Variants in ZZZ3 observed in about 807,000 individuals in gnomAD.
ZZZ3 encodes zinc finger ZZ-type containing 3.
In ZZZ3, 22 loss-of-function variants were observed where a neutral mutation model predicts 95.2. The observed-to-expected ratio is 0.23, with a 90% CI of 0.17 to 0.33. ZZZ3 has a LOEUF of 0.33. Among genes scored for constraint, ZZZ3 ranks in the 10% least tolerant of loss-of-function variants. The pLI is 1.00. For synonymous variants in ZZZ3, 335 were observed against 358.9 expected (o/e 0.93, Z 0.75); for missense variants, 885 against 1,066.5 (o/e 0.83, Z 2.37).
At chr1:77,614,920 C>A (rs1666163003) in intron 5 of ZZZ3, 1 of 152,118 alleles carries the variant, frequency 6.6e-6, no homozygotes, top group South Asian at 2.1e-4. Context: ...ATCTCAGAAG[C>A]AAAGCAGGGT....
intron 14 of ZZZ3, 50 bp from the exon 15 acceptor site, chr1:77,565,834 A>G: frequency 6.5e-7 from 1 of 1,548,896 alleles, no homozygotes; most frequent in Non-Finnish European, 8.7e-7. Flanking sequence ...GATGCATTTT[A>G]GTCTGTGTAT....
At chr1:77,589,127 T>A (rs998340614) in intron 5 of ZZZ3, among the ~76,000 whole-genome samples, 3 of 152,130 alleles carry the variant, frequency 2.0e-5, no homozygotes, top group Non-Finnish European at 2.9e-5. Flanking sequence ...TCCTCCCACC[T>A]TGGCCTCCCA....
chr1:77,679,514 G>A (rs1040704546), intron 1 of ZZZ3, among the ~76,000 whole-genome samples: 1 of 151,940 alleles, frequency 6.6e-6, no homozygotes, highest in Non-Finnish European at 1.5e-5. Context: ...TGTTGTTGCT[G>A]GTCTCAAGCA....
chr1:77,585,039 T>C (rs1662950475), intron 5 of ZZZ3: 1 of 153,442 alleles, frequency 6.5e-6, no homozygotes, highest in South Asian at 2.0e-4. Context: ...TTGGTTGTAC[T>C]CTGTTGAAAT....
intron 1 of ZZZ3, among the ~76,000 whole-genome samples, chr1:77,661,273 C>G (rs1057267622): frequency 6.6e-6 from 1 of 151,936 alleles, no homozygotes; most frequent in African/African-American, 2.4e-5. Context: ...ATTAGCCAGG[C>G]AGAGTGTCGG....
intron 1 of ZZZ3, among the ~76,000 whole-genome samples, chr1:77,645,021 C>T (rs1308299454): frequency 6.6e-6 from 1 of 151,818 alleles, no homozygotes; most frequent in Non-Finnish European, 1.5e-5. Context: ...GCCAGGAGTT[C>T]GAGACCAGCT....
chr1:77,573,723 A>T (rs1415587235), intron 12 of ZZZ3, among the ~76,000 whole-genome samples: 1 of 152,216 alleles, frequency 6.6e-6, no homozygotes, highest in Non-Finnish European at 1.5e-5. Context: ...TTATTAAGGT[A>T]GTTTGATGCC....
Position 77,626,161 on chromosome 1 carries a change from T to A in ZZZ3, c.1505+5689A>T, listed in dbSNP as rs190875991. ...TTCACTTAATGTTTTGGTTAGTCAA[T>A]GGCTTACTCTACTTACAAGCAAAAA... On this transcript the variant is annotated intron_variant, in intron 5 of 14. Coordinates refer to ENST00000370801, the MANE Select transcript of ZZZ3 (RefSeq NM_015534.6). Among the ~76,000 whole-genome samples the A allele has an allele frequency of 1.5e-3, 232 of 152,298 alleles. 2 individuals carry two copies. Among genetic ancestry groups the A allele is most frequent in the African/African-American group, 5.3e-3 (221 of 41,556 alleles).
chr1:77,652,855 G>A (rs758266557), intron 1 of ZZZ3, among the ~76,000 whole-genome samples: 3 of 152,118 alleles, frequency 2.0e-5, no homozygotes, highest in Admixed American at 2.0e-4. Flanking sequence ...AGTCACAAAT[G>A]GTTACATATT....
At chr1:77,674,279 G>T (rs1233614709) in intron 1 of ZZZ3, among the ~76,000 whole-genome samples, 1 of 152,136 alleles carries the variant, frequency 6.6e-6, no homozygotes. Context: ...CAGGTTACTC[G>T]TATCAGAACA....
chr1:77,655,022 T>C (rs1670144359), intron 1 of ZZZ3, among the ~76,000 whole-genome samples: 1 of 152,154 alleles, frequency 6.6e-6, no homozygotes, highest in African/African-American at 2.4e-5. Context: ...GAGAGCCTTC[T>C]TGCTCATGAG....
At chr1:77,645,587 A>C (rs1669188466) in intron 1 of ZZZ3, 1 of 152,148 alleles carries the variant, frequency 6.6e-6, no homozygotes, top group Admixed American at 6.5e-5. Flanking sequence ...CAGCCACTGC[A>C]CTCCAATTTG....
Position 77,632,584 on chromosome 1 carries a change from C to T in ZZZ3, c.771G>A (p.Lys257=), listed in dbSNP as rs758517434. The change falls in exon 5 of 15, where the codon AAG becomes AAA. Residue 257 remains lysine (K), a synonymous_variant. Transcript: ENST00000370801. ...TQTSMFLDSR[K]EDSYIDHKVP... The stretch of plus-strand genomic sequence containing the variant: ...CCTTATGGTCTATATAACTGTCCTC[C>T]TTCCTACTATCAAGGAACATTGAAG... 1.2e-6 allele frequency: 2 copies of T among 1,614,200 alleles called. No homozygotes were observed. Among genetic ancestry groups the T allele is most frequent in the Non-Finnish European group, 1.7e-6 (2 of 1,180,026 alleles).
intron 4 of ZZZ3, among the ~76,000 whole-genome samples, chr1:77,637,930 T>C (rs1473403827): frequency 6.6e-6 from 1 of 152,228 alleles, no homozygotes; most frequent in East Asian, 1.9e-4. Context: ...GTAAAAACCT[T>C]AGCCAGCATC....
intron 5 of ZZZ3, among the ~76,000 whole-genome samples, chr1:77,621,905 AATCTCAC>A (rs1203068485): frequency 6.6e-6 from 1 of 152,158 alleles, no homozygotes; most frequent in African/African-American, 2.4e-5. Context: ...ACACTTTTTC[AATCTCAC>A]ATCTCACATG....
intron 5 of ZZZ3, among the ~76,000 whole-genome samples, chr1:77,604,634 G>A (rs1158493695): frequency 6.6e-6 from 1 of 152,144 alleles, no homozygotes; most frequent in Non-Finnish European, 1.5e-5. Context: ...TTGTTGAATG[G>A]CTGTATACTT....
chr1:77,573,980 A>G (rs894004403), intron 12 of ZZZ3, among the ~76,000 whole-genome samples: 2 of 151,562 alleles, frequency 1.3e-5, no homozygotes, highest in Non-Finnish European at 2.9e-5. Context: ...TATATATGTA[A>G]AGTAAAATAA....
intron 12 of ZZZ3, among the ~76,000 whole-genome samples, chr1:77,574,644 C>T (rs1661747518): frequency 6.6e-6 from 1 of 152,062 alleles, no homozygotes; most frequent in East Asian, 1.9e-4. Context: ...CCTGGATTTT[C>T]CTTGTTAAAA....
intron 6 of ZZZ3, among the ~76,000 whole-genome samples, chr1:77,582,490 T>C (rs1038880960): frequency 6.6e-6 from 1 of 152,086 alleles, no homozygotes; most frequent in Non-Finnish European, 1.5e-5. Flanking sequence ...ATTTTTTATA[T>C]GTCCACTAAA....
Sources: allele counts gnomAD v4.1 joint callset (sites outside exome capture counted in the v4.1 genomes callset), GRCh38; gene constraint gnomAD v4.1.1; transcripts MANE v1.5; gene names NCBI Gene and HGNC (gene_info 2026-07-23, HGNC 2026-07-21).